Variants in DLGAP1 observed in about 807,000 individuals in gnomAD.
DLGAP1 encodes DLG associated protein 1.
A neutral mutation model predicts 90.8 loss-of-function variants in DLGAP1; 11 were observed. The ratio of observed to expected loss-of-function variants is 0.12; its 90% CI spans 0.08 to 0.20. The LOEUF is 0.20. Ranked by LOEUF, DLGAP1 falls within the 10% of genes least tolerant of loss-of-function variation. The pLI is 1.00. For missense variants in DLGAP1, 1,050 were observed against 1,333.8 expected (o/e 0.79, Z 3.31); for synonymous variants, 558 against 540.7 (o/e 1.03, Z -0.44).
chr18:4,405,884 A>C (rs894247795), intron 1 of DLGAP1, among the ~76,000 whole-genome samples: 1 of 152,200 alleles, frequency 6.6e-6, no homozygotes, highest in African/African-American at 2.4e-5. Flanking sequence ...AATTGGACAA[A>C]AAGTACAAAC....
At chr18:4,168,442 T>C (rs2076968100) in intron 1 of DLGAP1, among the ~76,000 whole-genome samples, 1 of 152,172 alleles carries the variant, frequency 6.6e-6, no homozygotes, top group South Asian at 2.1e-4. Flanking sequence ...TAACTCACAA[T>C]TACATTCTAA....
intron 1 of DLGAP1, among the ~76,000 whole-genome samples, chr18:4,202,136 T>C (rs964512632): frequency 6.6e-6 from 1 of 151,680 alleles, no homozygotes; most frequent in Admixed American, 6.6e-5. Flanking sequence ...TGTGTATACA[T>C]ACGCACACAC....
rs557445831 is a variant in DLGAP1, at chr18:3,852,192, A to T, written c.957+26920T>A. Among the ~76,000 whole-genome samples, 7 of 152,326 alleles carry T rather than the reference A, an allele frequency of 4.6e-5. No homozygotes were observed. In the South Asian group the frequency reaches 1.4e-3, roughly 32 times the overall value. Reference sequence around the variant, plus strand: ...AGCCTTAAATCTACTTATGAAAAAGATATCCATTGTATCAGTGCAAAGTCG... The same window carrying T: ...AGCCTTAAATCTACTTATGAAAAAGTTATCCATTGTATCAGTGCAAAGTCG... On this transcript the variant is annotated intron_variant, in intron 4 of 12. Coordinates refer to ENST00000315677, the MANE Select transcript of DLGAP1 (RefSeq NM_004746.4).
intron 1 of DLGAP1, among the ~76,000 whole-genome samples, chr18:4,196,975 C>T (rs1245021291): frequency 6.6e-6 from 1 of 151,776 alleles, no homozygotes; most frequent in African/African-American, 2.4e-5. Flanking sequence ...GAGTTTGAGA[C>T]CAGCCTGGCC....
chr18:4,354,695 C>T (rs2081469679), intron 1 of DLGAP1, among the ~76,000 whole-genome samples: 1 of 151,764 alleles, frequency 6.6e-6, no homozygotes, highest in African/African-American at 2.4e-5. Context: ...TACACTGCTC[C>T]TCATCTTCAT....
rs566761065 is a variant in DLGAP1, at chr18:4,000,920, G to A, written c.-73+4196C>T. ...ATTCTGGGCCAGTTTTACCAGGTAC[G>A]TCCTTTCAAATGTTGGGCAAGTGTA... On this transcript the variant is annotated intron_variant, in intron 3 of 12. Transcript: ENST00000315677. 5.2e-4 allele frequency among the ~76,000 whole-genome samples: 79 copies of A among 152,224 alleles called. 1 individual carries two copies. The highest frequency in any genetic ancestry group is 6.8e-3 in the Middle Eastern group (2 of 294).
At chr18:4,142,542 T>C (rs1471772315) in intron 2 of DLGAP1, among the ~76,000 whole-genome samples, 1 of 152,240 alleles carries the variant, frequency 6.6e-6, no homozygotes, top group Non-Finnish European at 1.5e-5. Context: ...ATCTTACAGA[T>C]GTCTGAAAAA....
rs531072272 is a variant in DLGAP1 at position 3,741,504 on chromosome 18, C to G, written c.1350+831G>C. ...TCACTACCACTACCACTGCCATCAC[C>G]ATAATTACCACCACCATCACTACCA... is the stretch of plus-strand genomic sequence containing the variant. On this transcript the variant is annotated intron_variant, in intron 6 of 12. Coordinates refer to ENST00000315677, the MANE Select transcript of DLGAP1 (RefSeq NM_004746.4). Among the ~76,000 whole-genome samples, 110 of 151,992 alleles carry G rather than the reference C, an allele frequency of 7.2e-4. No individual in the cohort carries two copies. In the Middle Eastern group the frequency reaches 0.027, roughly 38 times the overall value.
intron 1 of DLGAP1, among the ~76,000 whole-genome samples, chr18:4,289,746 T>C (rs1313259087): frequency 6.6e-6 from 1 of 152,184 alleles, no homozygotes; most frequent in African/African-American, 2.4e-5. Context: ...ATTTTTAAGG[T>C]GGCAATGCAT....
At chr18:3,916,893 G>A (rs2072156723) in intron 3 of DLGAP1, among the ~76,000 whole-genome samples, 1 of 152,192 alleles carries the variant, frequency 6.6e-6, no homozygotes, top group South Asian at 2.1e-4. Context: ...TATACAGACA[G>A]TTCCTGATTT....
chr18:3,806,274 T>C (rs1330092329), intron 5 of DLGAP1, among the ~76,000 whole-genome samples: 1 of 152,182 alleles, frequency 6.6e-6, no homozygotes, highest in East Asian at 1.9e-4. Flanking sequence ...TGCCAGGCAA[T>C]GCAGATTTTT....
intron 4 of DLGAP1, among the ~76,000 whole-genome samples, chr18:3,824,356 G>C (rs2067595994): frequency 6.6e-6 from 1 of 152,078 alleles, no homozygotes; most frequent in Non-Finnish European, 1.5e-5. Context: ...ACTAATCCTT[G>C]GTGTTGTCTA....
intron 9 of DLGAP1, among the ~76,000 whole-genome samples, chr18:3,541,965 G>A (rs1387091606): frequency 2.0e-5 from 3 of 152,082 alleles, no homozygotes; most frequent in Non-Finnish European, 4.4e-5. Context: ...GAGACGAGGA[G>A]TGGCTCTCAT....
At chr18:4,285,904 T>C (rs958685513) in intron 1 of DLGAP1, among the ~76,000 whole-genome samples, 3 of 152,172 alleles carry the variant, frequency 2.0e-5, no homozygotes, top group Admixed American at 1.3e-4. Flanking sequence ...AATATAGAAG[T>C]ACAGAGTTTT....
intron 1 of DLGAP1, among the ~76,000 whole-genome samples, chr18:4,173,579 C>T (rs1314185334): frequency 1.3e-5 from 2 of 152,030 alleles, no homozygotes; most frequent in African/African-American, 4.8e-5. Context: ...AAAAAAAAAT[C>T]CTAGGCTCTA....
rs964035014 is a variant in DLGAP1, at chr18:4,383,207, C to T, written c.-267+71799G>A. ...CAAAAGCACAAACAAAACATTAAAA[C>T]ATTACCTGGGGAATAATGTTCTAAT... On this transcript the variant is annotated intron_variant, in intron 1 of 12. Transcript: ENST00000315677. This position sits in a 1 kb window ranked among gnomAD's most constrained non-coding sequence, Gnocchi z 4.0. Among the ~76,000 whole-genome samples the T allele has an allele frequency of 5.9e-5, 9 of 152,126 alleles. No individual in the cohort carries two copies. Among genetic ancestry groups the T allele is most frequent in the African/African-American group, 2.2e-4 (9 of 41,442 alleles).
intron 7 of DLGAP1, among the ~76,000 whole-genome samples, chr18:3,671,769 T>G (rs1413659050): frequency 1.3e-5 from 2 of 152,258 alleles, no homozygotes; most frequent in East Asian, 1.9e-4. Context: ...AATTCCATTT[T>G]AAATAATCTA....
chr18:4,302,520 A>AT (rs1207885073), intron 1 of DLGAP1, among the ~76,000 whole-genome samples: 2 of 149,520 alleles, frequency 1.3e-5, no homozygotes, highest in African/African-American at 4.9e-5. Context: ...AATTTTTTTT[A>AT]TTTTTTATAA....
At chr18:3,645,758 G>A (rs958628708) in intron 7 of DLGAP1, among the ~76,000 whole-genome samples, 1 of 152,146 alleles carries the variant, frequency 6.6e-6, no homozygotes, top group Non-Finnish European at 1.5e-5. Context: ...GCCTTCTCTA[G>A]ATAGAAGAAC....
Sources: gnomAD v4.1 joint callset for allele counts (sites outside exome capture counted in the v4.1 genomes callset) on GRCh38, gnomAD v4.1.1 for gene constraint, Gnocchi (gnomAD v3.1) non-coding constraint, MANE v1.5 for transcripts, NCBI Gene and HGNC (gene_info 2026-07-23, HGNC 2026-07-21) for gene names.